CNTNAP5: variants seen among roughly 807,000 people sequenced by gnomAD.
CNTNAP5 encodes the protein contactin associated protein family member 5, also known as contactin-associated protein-like 5.
A neutral mutation model predicts 150.2 loss-of-function variants in CNTNAP5; 72 were observed. The ratio of observed to expected loss-of-function variants is 0.48; its 90% CI spans 0.40 to 0.58. The LOEUF (loss-of-function observed/expected upper bound fraction) is 0.58. Ranked by LOEUF, CNTNAP5 falls within the 20% of genes least tolerant of loss-of-function variation. The pLI, the probability that CNTNAP5 is intolerant of heterozygous loss-of-function variation, is 0.00. For missense variants in CNTNAP5, 1,636 were observed against 1,626.2 expected (o/e 1.01, Z -0.10); for synonymous variants, 672 against 619.8 (o/e 1.08, Z -1.25).
chr2:124,485,631 A>AAAAAAAAAAG (rs1457112306), intron 7 of CNTNAP5, among the ~76,000 whole-genome samples: 3 of 134,266 alleles, frequency 2.2e-5, no homozygotes, highest in South Asian at 2.8e-4. Flanking sequence ...AAAAAAAAAA[A>AAAAAAAAAAG]AAAGAAGAAG....
intron 3 of CNTNAP5, among the ~76,000 whole-genome samples, chr2:124,287,310 C>CCAAGG (rs1688179800): frequency 6.6e-6 from 1 of 152,154 alleles, no homozygotes; most frequent in Non-Finnish European, 1.5e-5. Flanking sequence ...AACCCAAAAT[C>CCAAGG]CAAGGACTTA....
At chr2:124,870,892 T>C (rs1372871920) in intron 21 of CNTNAP5, among the ~76,000 whole-genome samples, 1 of 152,036 alleles carries the variant, frequency 6.6e-6, no homozygotes, top group African/African-American at 2.4e-5. Flanking sequence ...GGCATAAAAA[T>C]GATTCTTGCT....
intron 4 of CNTNAP5, among the ~76,000 whole-genome samples, chr2:124,429,644 G>A (rs888858943): frequency 1.3e-5 from 2 of 152,188 alleles, no homozygotes; most frequent in African/African-American, 4.8e-5. Flanking sequence ...TCAGGTACTG[G>A]TGGTGGTCGG....
chr2:124,182,507 C>T (rs373136249), intron 1 of CNTNAP5, among the ~76,000 whole-genome samples: 13 of 152,222 alleles, frequency 8.5e-5, no homozygotes, highest in African/African-American at 2.2e-4. Flanking sequence ...TCGATCAAGA[C>T]GAGCATGTTG....
intron 3 of CNTNAP5, among the ~76,000 whole-genome samples, chr2:124,373,938 G>A (rs1690588227): frequency 6.6e-6 from 1 of 152,008 alleles, no homozygotes; most frequent in South Asian, 2.1e-4. Context: ...TTTATGATAT[G>A]TTAAGTGAAG....
chr2:124,408,583 C>A (rs1279019569), intron 3 of CNTNAP5, among the ~76,000 whole-genome samples: 1 of 151,892 alleles, frequency 6.6e-6, no homozygotes, highest in East Asian at 1.9e-4. Flanking sequence ...ACCCCTGACC[C>A]CCGAGCAGCC....
intron 1 of CNTNAP5, among the ~76,000 whole-genome samples, chr2:124,203,970 C>A (rs1015724782): frequency 6.6e-6 from 1 of 152,152 alleles, no homozygotes; most frequent in African/African-American, 2.4e-5. Flanking sequence ...AATTTCTCAT[C>A]AAAAAATGTT....
intron 5 of CNTNAP5, among the ~76,000 whole-genome samples, chr2:124,445,225 G>A (rs1692784265): frequency 1.3e-5 from 2 of 151,806 alleles, no homozygotes; most frequent in Admixed American, 1.3e-4. Context: ...AAGTAGCTGG[G>A]ATTACAGGCG....
At chr2:124,704,781 C>G (rs776786069) in intron 13 of CNTNAP5, among the ~76,000 whole-genome samples, 4 of 151,996 alleles carry the variant, frequency 2.6e-5, no homozygotes, top group Non-Finnish European at 4.4e-5. Context: ...TACCACCTCA[C>G]CTCCCCCTAC....
intron 1 of CNTNAP5, among the ~76,000 whole-genome samples, chr2:124,036,984 G>A (rs1200862374): frequency 6.6e-6 from 1 of 152,164 alleles, no homozygotes; most frequent in Non-Finnish European, 1.5e-5. Context: ...ATTCGTCCTA[G>A]CAAAGACAGT....
rs534034998 is a variant in CNTNAP5 at position 124,283,862 on chromosome 2, A to G, written c.381+41469A>G. On this transcript the variant is annotated intron_variant, in intron 3 of 23. Coordinates refer to ENST00000682447, the MANE Select transcript of CNTNAP5 (RefSeq NM_001367498.1). Reference sequence around the variant, plus strand: ...GATTTTTTATAAGGGCACTAATCTCATTTATGAGAGCCTCACCCTCATGAA... The same window carrying G: ...GATTTTTTATAAGGGCACTAATCTCGTTTATGAGAGCCTCACCCTCATGAA... Among the ~76,000 whole-genome samples, 231 of 152,258 alleles carry G rather than the reference A, an allele frequency of 1.5e-3. 1 individual carries two copies. Among genetic ancestry groups the G allele is most frequent in the Non-Finnish European group, 1.6e-3 (108 of 68,030 alleles).
rs1429953380 is a variant in CNTNAP5 at position 124,252,009 on chromosome 2, G to C, written c.381+9616G>C. 3.3e-5 allele frequency among the ~76,000 whole-genome samples: 5 copies of C among 152,276 alleles called. No individual in the cohort carries two copies. The South Asian group carries it at 1.0e-3, about 32-fold the overall frequency. On this transcript the variant is annotated intron_variant, in intron 3 of 23. Transcript: ENST00000682447. ...TATGAAGCATTCTGCATGTAGATGA[G>C]AGAAAGGAAAATGCAGTGCAGGTGC...
intron 1 of CNTNAP5, among the ~76,000 whole-genome samples, chr2:124,159,169 A>C (rs1247931483): frequency 6.6e-6 from 1 of 152,224 alleles, no homozygotes; most frequent in Non-Finnish European, 1.5e-5. Context: ...ACTTAATGTA[A>C]AAACATCTAA....
At chr2:124,329,790 C>A (rs991492341) in intron 3 of CNTNAP5, among the ~76,000 whole-genome samples, 2 of 152,096 alleles carry the variant, frequency 1.3e-5, no homozygotes, top group African/African-American at 2.4e-5. Flanking sequence ...ATGGCTCAAG[C>A]AAACAGGTCT....
chr2:124,497,043 T>C (rs1198936657), intron 7 of CNTNAP5, among the ~76,000 whole-genome samples: 1 of 152,220 alleles, frequency 6.6e-6, no homozygotes, highest in African/African-American at 2.4e-5. Flanking sequence ...AAGCAGTGTT[T>C]GAAGCAGTGG....
intron 1 of CNTNAP5, among the ~76,000 whole-genome samples, chr2:124,113,499 CAT>C (rs1293065502): frequency 3.3e-4 from 39 of 119,250 alleles, no homozygotes; most frequent in African/African-American, 1.1e-3. Flanking sequence ...TCAACTGATA[CAT>C]ATATATGTGT....
intron 1 of CNTNAP5, among the ~76,000 whole-genome samples, chr2:124,035,531 A>G (rs1433543787): frequency 1.3e-5 from 2 of 151,964 alleles, no homozygotes; most frequent in South Asian, 4.2e-4. Flanking sequence ...CAAACTTTCC[A>G]CTGAAGTGCT....
chr2:124,157,310 G>A (rs889959922), intron 1 of CNTNAP5, among the ~76,000 whole-genome samples: 3 of 152,138 alleles, frequency 2.0e-5, no homozygotes, highest in African/African-American at 7.2e-5. Flanking sequence ...TGTTTTTGAA[G>A]AAATAAATGG....
intron 1 of CNTNAP5, among the ~76,000 whole-genome samples, chr2:124,133,970 G>C (rs1683920165): frequency 6.6e-6 from 1 of 152,146 alleles, no homozygotes; most frequent in Non-Finnish European, 1.5e-5. Context: ...AAGCAGCTGT[G>C]GTCTGATGGA....
Sources: gnomAD v4.1 joint callset for allele counts (sites outside exome capture counted in the v4.1 genomes callset) on GRCh38, gnomAD v4.1.1 for gene constraint, MANE v1.5 for transcripts, NCBI Gene and HGNC (gene_info 2026-07-23, HGNC 2026-07-21) for gene names.